COL6A5: variants seen among roughly 807,000 people sequenced by gnomAD.
The protein encoded by COL6A5 is collagen alpha-5(VI) chain.
In COL6A5, 48 loss-of-function variants were observed where a neutral mutation model predicts 65.6. That is an observed-to-expected ratio of 0.73 (90% CI 0.58 to 0.93). The LOEUF is 0.93. COL6A5 is among the 40% of genes least tolerant of loss of function. COL6A5 has a pLI of 0.00. For missense variants in COL6A5, 914 were observed against 928.3 expected (o/e 0.98, Z 0.20); for synonymous variants, 291 against 322.8 (o/e 0.90, Z 1.05).
At chr3:130,403,563 A>G (rs1397121140) in intron 12 of COL6A5, 46 bp from the exon 13 acceptor site, 1 of 1,379,278 alleles carries the variant, frequency 7.3e-7, no homozygotes. Flanking sequence ...GTTTGACTTT[A>G]TTGGGGGGGG....
chr3:130,354,697 T>G (rs2107615376), intron 1 of COL6A5, among the ~76,000 whole-genome samples: 1 of 152,328 alleles, frequency 6.6e-6, no homozygotes, highest in East Asian at 1.9e-4. Context: ...TCACAGCTGG[T>G]GTGCTTTGTA....
chr3:130,395,003 G>A (rs1936544327), exon 8 of COL6A5: 1 of 1,551,038 alleles, frequency 6.4e-7, no homozygotes, highest in Admixed American at 2.0e-5. Context: ...CGATAATTTT[G>A]ACATTCAGTC....
At chr3:130,364,838 A>G (rs1935272470) in intron 1 of COL6A5, among the ~76,000 whole-genome samples, 1 of 152,194 alleles carries the variant, frequency 6.6e-6, no homozygotes, top group African/African-American at 2.4e-5. Context: ...GGCATTTTCA[A>G]AGGTTGTCAA....
chr3:130,405,269 G>C (rs1049642552), intron 13 of COL6A5, among the ~76,000 whole-genome samples: 1 of 152,138 alleles, frequency 6.6e-6, no homozygotes, highest in Admixed American at 6.5e-5. Flanking sequence ...ATGGATTACT[G>C]GAGTCTTGGA....
At position 130,385,284 on chromosome 3, in the gene COL6A5, A is replaced by C. The variant is rs561326155; in HGVS notation, c.1781A>C (p.Glu594Ala). 1.2e-5 allele frequency: 19 copies of C among 1,551,034 alleles called. No individual in the cohort carries two copies. In the African/African-American group the frequency reaches 2.6e-4, roughly 21 times the overall value. ...CTGCAAGAAATTGCTGGGAAAGAAG[A>C]AAGGGTTAGCTTTGGGCAGAACTTT... Residue 594 changes from glutamate (E) to alanine (A), a missense_variant and NMD_transcript_variant, in exon 5 of 42, where the codon GAA (glutamate) becomes GCA (alanine). By Grantham distance (107) the Glu-to-Ala change is moderately radical. Coordinates refer to the COL6A5 transcript ENST00000312481.
At chr3:130,371,428 A>G (rs890274527) in intron 1 of COL6A5, among the ~76,000 whole-genome samples, 9 of 152,188 alleles carry the variant, frequency 5.9e-5, no homozygotes, top group African/African-American at 2.2e-4. Flanking sequence ...AAAACTTTCT[A>G]AAAGGTAGCA....
At chr3:130,478,250 G>T (rs993290023) in intron 7 of COL6A5, among the ~76,000 whole-genome samples, 1 of 152,090 alleles carries the variant, frequency 6.6e-6, no homozygotes, top group African/African-American at 2.4e-5. Context: ...TGATCATGTT[G>T]ATGATGACAG....
intron 10 of COL6A5, 84 bp downstream of exon 10, chr3:130,398,195 A>G: frequency 1.1e-6 from 1 of 880,680 alleles, no homozygotes; most frequent in South Asian, 1.6e-5. Context: ...CAGTGGCACG[A>G]TCTCAGCTCA....
At chr3:130,443,518 G>A (rs764975737) in exon 4 of COL6A5, 4 of 1,611,256 alleles carry the variant, frequency 2.5e-6, no homozygotes, top group Non-Finnish European at 3.4e-6. Context: ...GAGGATGCCT[G>A]TAGACTCATC....
At chr3:130,478,681 T>C (rs1023109308) in intron 7 of COL6A5, among the ~76,000 whole-genome samples, 1 of 152,014 alleles carries the variant, frequency 6.6e-6, no homozygotes, top group Admixed American at 6.6e-5. Flanking sequence ...GGGAGGTATG[T>C]GGGGTGGGGT....
intron 7 of COL6A5, among the ~76,000 whole-genome samples, chr3:130,474,650 A>G (rs1710042991): frequency 1.3e-5 from 2 of 152,224 alleles, no homozygotes; most frequent in East Asian, 3.9e-4. Flanking sequence ...AAAAAATACA[A>G]TATCTAAAAT....
At chr3:130,437,197 G>T (rs986332950) in intron 1 of COL6A5, among the ~76,000 whole-genome samples, 1 of 151,956 alleles carries the variant, frequency 6.6e-6, no homozygotes, top group East Asian at 1.9e-4. Flanking sequence ...GTATACAAAA[G>T]TGCATATATG....
chr3:130,471,970 G>A (rs1709964621), intron 7 of COL6A5, 44 bp downstream of exon 40: 1 of 1,505,044 alleles, frequency 6.6e-7, no homozygotes, highest in Admixed American at 2.1e-5. Flanking sequence ...AAGTACCTTT[G>A]TTTGGATTTT....
At chr3:130,416,879 T>C in intron 24 of COL6A5, 60 bp downstream of exon 24, 1 of 883,160 alleles carries the variant, frequency 1.1e-6, no homozygotes, top group Non-Finnish European at 1.7e-6. Context: ...TAATGGATAA[T>C]TAATAATTGC....
chr3:130,442,798 T>C (rs993135848), intron 3 of COL6A5, among the ~76,000 whole-genome samples: 2 of 152,204 alleles, frequency 1.3e-5, no homozygotes, highest in African/African-American at 4.8e-5. Context: ...ATGCTTATCT[T>C]AGTATTTGAA....
chr3:130,457,257 G>A (rs1027957268), intron 5 of COL6A5, among the ~76,000 whole-genome samples: 3 of 152,056 alleles, frequency 2.0e-5, no homozygotes, highest in Admixed American at 2.0e-4. Flanking sequence ...TAGAGGGTTA[G>A]AGTATCAAAT....
intron 1 of COL6A5, among the ~76,000 whole-genome samples, chr3:130,364,966 G>A (rs1174002868): frequency 6.6e-6 from 1 of 152,202 alleles, no homozygotes; most frequent in Non-Finnish European, 1.5e-5. Context: ...GATTGATCAG[G>A]CTGATCAAGG....
chr3:130,482,067 A>C (rs2107629045), intron 7 of COL6A5, among the ~76,000 whole-genome samples: 1 of 152,138 alleles, frequency 6.6e-6, no homozygotes, highest in East Asian at 1.9e-4. Context: ...CCATTTGTCA[A>C]TTTTGGCTTT....
intron 4 of COL6A5, among the ~76,000 whole-genome samples, chr3:130,380,483 A>G (rs1339282506): frequency 1.3e-5 from 2 of 151,174 alleles, no homozygotes; most frequent in African/African-American, 2.4e-5. Flanking sequence ...TCTTCCTTTC[A>G]TTCATGCACA....
Sources: allele counts gnomAD v4.1 joint callset (sites outside exome capture counted in the v4.1 genomes callset), GRCh38; gene constraint gnomAD v4.1.1; transcripts MANE v1.5; gene names NCBI Gene and HGNC (gene_info 2026-07-23, HGNC 2026-07-21).